BACH2: variants seen among roughly 807,000 people sequenced by gnomAD.
BACH2 encodes BACH transcriptional regulator 2.
BACH2 carries 5 observed loss-of-function variants against 61.8 expected under a neutral mutation model. The ratio of observed to expected loss-of-function variants is 0.08; its 90% CI spans 0.04 to 0.17. The LOEUF is 0.17. BACH2 is among the 10% of genes least tolerant of loss of function. The pLI, the probability that BACH2 is intolerant of heterozygous loss-of-function variation, is 1.00. For synonymous variants in BACH2, 446 were observed against 440.1 expected, an observed-to-expected ratio of 1.01 and a Z score of -0.17; for missense variants, 824 against 1,091.1, an observed-to-expected ratio of 0.76 and a Z score of 3.45.
chr6:90,170,434 C>A (rs1379427000), intron 4 of BACH2, among the ~76,000 whole-genome samples: 1 of 152,140 alleles, frequency 6.6e-6, no homozygotes, highest in African/African-American at 2.4e-5. Flanking sequence ...GAATTTTTGT[C>A]TGCTTTAATC....
At chr6:90,153,109 T>C (rs1784886741) in intron 4 of BACH2, among the ~76,000 whole-genome samples, 1 of 152,160 alleles carries the variant, frequency 6.6e-6, no homozygotes, top group South Asian at 2.1e-4. Context: ...TATCATTAAG[T>C]ATGCTCCTCC....
intron 1 of BACH2, among the ~76,000 whole-genome samples, chr6:90,291,739 A>G (rs1347399136): frequency 6.6e-6 from 1 of 152,170 alleles, no homozygotes; most frequent in Non-Finnish European, 1.5e-5. Context: ...AAATTTAAAG[A>G]TAGGAGGACA....
chr6:90,274,577 C>G (rs1180704199), intron 1 of BACH2, among the ~76,000 whole-genome samples: 1 of 152,146 alleles, frequency 6.6e-6, no homozygotes, highest in Non-Finnish European at 1.5e-5. Flanking sequence ...CAGCCGCCCC[C>G]ACCTGACCAC....
At chr6:90,238,561 A>ATTGTTTCCT (rs1378081439) in intron 3 of BACH2, among the ~76,000 whole-genome samples, 1 of 152,200 alleles carries the variant, frequency 6.6e-6, no homozygotes, top group African/African-American at 2.4e-5. Context: ...CTACCTTGCC[A>ATTGTTTCCT]TTGTTTCCTA....
intron 6 of BACH2, among the ~76,000 whole-genome samples, chr6:89,997,579 G>A (rs1394282904): frequency 6.6e-6 from 1 of 152,202 alleles, no homozygotes; most frequent in Non-Finnish European, 1.5e-5. Flanking sequence ...GCCTCTCATG[G>A]TAGTAGAGTG....
rs1772400006 is a variant in BACH2, at chr6:90,296,532, G to A, written c.-498C>T. The A allele has an allele frequency of 6.6e-6, 1 of 151,732 alleles. No homozygotes were observed. Among genetic ancestry groups the A allele is most frequent in the Non-Finnish European group, 1.5e-5 (1 of 67,930 alleles). The allele number at this position is 151,732 out of a possible 1,614,324, so 9.4% of individuals were successfully genotyped here. On this transcript the variant is annotated 5_prime_UTR_variant, in exon 1 of 9. Transcript: ENST00000257749. ...CGCCTCCTCTTCCCCGCGTCTTCCC[G>A]GCTCGCAGCCCCCTCCCGGCAGCCG...
intron 6 of BACH2, among the ~76,000 whole-genome samples, chr6:89,988,760 A>G (rs1278591991): frequency 6.6e-6 from 1 of 152,190 alleles, no homozygotes; most frequent in African/African-American, 2.4e-5. Context: ...AAAAATTAGG[A>G]AAGAAAATCG....
In BACH2 at chr6:89,966,790, C is replaced by A. The variant is rs116712182; in HGVS notation, c.244-14928G>T. Among the ~76,000 whole-genome samples, 1,048 of 152,306 alleles carry A rather than the reference C, an allele frequency of 6.9e-3. 12 individuals carry two copies. Among genetic ancestry groups the A allele is most frequent in the African/African-American group, 0.023 (974 of 41,558 alleles). ...GGCATATAAATGACATTGACAGTGA[C>A]TGGGTGCAAGCCTTTGCTGGGAAGA... On this transcript the variant is annotated intron_variant, in intron 6 of 8. Coordinates refer to ENST00000257749, the MANE Select transcript of BACH2 (RefSeq NM_021813.4).
chr6:90,105,910 G>A lies in BACH2; in HGVS notation c.-161-16801C>T, dbSNP rs77890422. Among the ~76,000 whole-genome samples, 52 of 152,296 alleles carry A rather than the reference G, an allele frequency of 3.4e-4. 2 individuals are homozygous for A. In the East Asian group the frequency reaches 9.8e-3, roughly 29 times the overall value. On this transcript the variant is annotated intron_variant, in intron 4 of 8. Coordinates refer to ENST00000257749, the MANE Select transcript of BACH2 (RefSeq NM_021813.4). The stretch of plus-strand genomic sequence containing the variant: ...AGACTTATCCCACATTACAACTACA[G>A]ATTGCACCAACAGTTTTCTTAGAGT...
At chr6:90,016,172 TA>T (rs1166498882) in intron 5 of BACH2, among the ~76,000 whole-genome samples, 1 of 152,144 alleles carries the variant, frequency 6.6e-6, no homozygotes, top group African/African-American at 2.4e-5. Flanking sequence ...GTGATTCTTG[TA>T]AGTAACATAT....
chr6:90,112,065 T>C (rs1184839379), intron 4 of BACH2, among the ~76,000 whole-genome samples: 1 of 152,214 alleles, frequency 6.6e-6, no homozygotes, highest in Non-Finnish European at 1.5e-5. Flanking sequence ...AAGTCATAGA[T>C]AACATTATCA....
At chr6:90,055,561 C>A (rs1279456813) in intron 5 of BACH2, among the ~76,000 whole-genome samples, 1 of 151,686 alleles carries the variant, frequency 6.6e-6, no homozygotes, top group African/African-American at 2.4e-5. Context: ...AGGATATTAT[C>A]CAGGAGAACT....
At position 90,008,677 on chromosome 6, in the gene BACH2, G is replaced by C. The variant is rs146845001; in HGVS notation, c.168C>G (p.Ala56=). ...CCTGCCAAAAATATTCACTGCATGC[G>C]GCCAGCACAGCCCGGTGGGCCCGGA... ...KEFRAHRAVL[A]ACSEYFWQAL... The change falls in exon 6 of 9, where the codon GCC becomes GCG. Residue 56 remains alanine (A), a synonymous_variant. Coordinates refer to ENST00000257749, the MANE Select transcript of BACH2 (RefSeq NM_021813.4). This position sits in a 1 kb window ranked among gnomAD's most constrained non-coding sequence, Gnocchi z 4.1. The C allele has an allele frequency of 3.1e-6, 5 of 1,614,148 alleles. No individual in the cohort carries two copies. The highest frequency in any genetic ancestry group is 4.2e-6 in the Non-Finnish European group (5 of 1,180,026).
At chr6:90,241,280 T>C (rs1341071438) in intron 3 of BACH2, among the ~76,000 whole-genome samples, 2 of 152,130 alleles carry the variant, frequency 1.3e-5, no homozygotes, top group Non-Finnish European at 2.9e-5. Context: ...TGGCAGACAC[T>C]AGCCTGTAGG....
chr6:90,116,852 G>T (rs1262438261), intron 4 of BACH2: 2 of 614,584 alleles, frequency 3.3e-6, no homozygotes, highest in Non-Finnish European at 2.5e-6. Context: ...TCTGGAGCAC[G>T]CTTTGATATT....
At chr6:90,243,335 T>C (rs769941547) in intron 3 of BACH2, among the ~76,000 whole-genome samples, 1 of 152,114 alleles carries the variant, frequency 6.6e-6, no homozygotes, top group Non-Finnish European at 1.5e-5. Context: ...AATAACTCCA[T>C]TTTACTTTTA....
intron 5 of BACH2, among the ~76,000 whole-genome samples, chr6:90,080,160 G>C (rs149729922): frequency 1.3e-5 from 2 of 151,968 alleles, no homozygotes; most frequent in Non-Finnish European, 2.9e-5. Context: ...AAACAATGAT[G>C]GTATTTTAAA....
intron 4 of BACH2, among the ~76,000 whole-genome samples, chr6:90,123,498 C>CGGT (rs1170520112): frequency 6.7e-6 from 1 of 150,296 alleles, no homozygotes; most frequent in African/African-American, 2.5e-5. Context: ...GGGCCGGGCG[C>CGGT]GGTGGCTCAC....
intron 8 of BACH2, among the ~76,000 whole-genome samples, chr6:89,933,953 C>CT (rs1772843387): frequency 6.6e-6 from 1 of 151,868 alleles, no homozygotes; most frequent in African/African-American, 2.4e-5. Flanking sequence ...CCACAGCACT[C>CT]ACCCTGGGTG....
Sources: allele counts gnomAD v4.1 joint callset (sites outside exome capture counted in the v4.1 genomes callset), GRCh38; gene constraint gnomAD v4.1.1; non-coding constraint Gnocchi (gnomAD v3.1); transcripts MANE v1.5; gene names NCBI Gene and HGNC (gene_info 2026-07-23, HGNC 2026-07-21).